The following WDR70 variants were observed in gnomAD, a reference collection of about 807,000 sequenced individuals.
The protein encoded by WDR70 is WD repeat-containing protein 70.
A neutral mutation model predicts 88.6 loss-of-function variants in WDR70; 53 were observed. The observed-to-expected ratio is 0.60, with a 90% confidence interval of 0.48 to 0.75. The LOEUF (loss-of-function observed/expected upper bound fraction) is 0.75. WDR70 is among the 30% of genes least tolerant of loss of function. The pLI, the probability that WDR70 is intolerant of heterozygous loss-of-function variation, is 0.00. For missense variants in WDR70, 610 were observed against 823.2 expected, an observed-to-expected ratio of 0.74 and a Z score of 3.17; for synonymous variants, 280 against 270.0, an observed-to-expected ratio of 1.04 and a Z score of -0.36.
intron 9 of WDR70, among the ~76,000 whole-genome samples, chr5:37,528,363 G>A (rs1741367867): frequency 6.6e-6 from 1 of 152,102 alleles, no homozygotes; most frequent in Non-Finnish European, 1.5e-5. Flanking sequence ...ATTATTGTCA[G>A]CAAACTATCA....
At chr5:37,747,532 A>G (rs1748668410) in intron 17 of WDR70, among the ~76,000 whole-genome samples, 1 of 152,234 alleles carries the variant, frequency 6.6e-6, no homozygotes, top group African/African-American at 2.4e-5. Flanking sequence ...TGACAAACCC[A>G]CAGCCAATAT....
intron 10 of WDR70, among the ~76,000 whole-genome samples, chr5:37,623,339 G>A (rs1357225468): frequency 1.3e-5 from 2 of 151,912 alleles, no homozygotes; most frequent in African/African-American, 4.8e-5. Flanking sequence ...CTAAATATTG[G>A]TGATTGCAGT....
chr5:37,475,436 C>T (rs548976486), intron 7 of WDR70, among the ~76,000 whole-genome samples: 1 of 151,864 alleles, frequency 6.6e-6, no homozygotes, highest in Non-Finnish European at 1.5e-5. Context: ...CGGGGTTTCT[C>T]CATGTTGGTC....
chr5:37,391,026 A>G (rs73068469), intron 3 of WDR70, among the ~76,000 whole-genome samples: 3,870 of 152,248 alleles, frequency 0.025, 154 homozygotes, highest in African/African-American at 0.088. Flanking sequence ...AAGAAGTGCT[A>G]AATTTATGTT....
chr5:37,726,827 C>G (rs1182359223), intron 16 of WDR70, 56 bp from the exon 17 acceptor site: 17 of 1,522,166 alleles, frequency 1.1e-5, no homozygotes, highest in Non-Finnish European at 1.1e-5. Context: ...ACAGATATAC[C>G]TATGTATCCT....
chr5:37,698,050 A>G (rs1010843454), intron 11 of WDR70: 4 of 262,564 alleles, frequency 1.5e-5, no homozygotes, highest in African/African-American at 4.4e-5. Context: ...TGCCTTGGGA[A>G]GTTTATAGAT....
intron 10 of WDR70, among the ~76,000 whole-genome samples, chr5:37,608,781 A>T (rs1323386799): frequency 6.6e-6 from 1 of 151,050 alleles, no homozygotes; most frequent in Non-Finnish European, 1.5e-5. Flanking sequence ...CTGGTCTTGA[A>T]CTCCTGGACT....
chr5:37,673,583 A>C (rs868432808), intron 10 of WDR70, among the ~76,000 whole-genome samples: 4,735 of 75,884 alleles, frequency 0.062, 2 homozygotes, highest in Middle Eastern at 0.11. Context: ...GACTTTTCTT[A>C]CCCCCCCCCC....
intron 13 of WDR70, among the ~76,000 whole-genome samples, chr5:37,713,460 C>T (rs1418544086): frequency 1.3e-5 from 2 of 152,126 alleles, no homozygotes; most frequent in African/African-American, 2.4e-5. Context: ...CCCTTCTCTA[C>T]ACAAAAGTTT....
At chr5:37,513,829 G>T (rs765615944) in intron 8 of WDR70, among the ~76,000 whole-genome samples, 3 of 152,042 alleles carry the variant, frequency 2.0e-5, no homozygotes, top group Non-Finnish European at 4.4e-5. Context: ...GTAAGGGTGG[G>T]TCTGCCTTTC....
intron 13 of WDR70, among the ~76,000 whole-genome samples, chr5:37,714,539 C>T (rs544144926): frequency 1.7e-4 from 24 of 141,862 alleles, no homozygotes; most frequent in Non-Finnish European, 3.3e-4. Flanking sequence ...CCCAGTGCCC[C>T]AGGCTCCTCT....
chr5:37,460,614 A>C (rs4490613), intron 7 of WDR70, among the ~76,000 whole-genome samples: 3 of 48,604 alleles, frequency 6.2e-5, no homozygotes, highest in African/African-American at 1.4e-4. Flanking sequence ...TGGGTGCAGC[A>C]CACCAGCATG....
At chr5:37,695,344 G>C (rs1746950478) in intron 10 of WDR70, among the ~76,000 whole-genome samples, 1 of 152,124 alleles carries the variant, frequency 6.6e-6, no homozygotes. Context: ...TGAGATTTGG[G>C]TGGGGACACA....
chr5:37,426,795 CTT>C (rs3038670), intron 5 of WDR70, among the ~76,000 whole-genome samples: 144 of 144,068 alleles, frequency 1.0e-3, no homozygotes, highest in Admixed American at 1.2e-3. Context: ...AATCTAGGTT[CTT>C]TTTTTTTTTT....
intron 6 of WDR70, among the ~76,000 whole-genome samples, chr5:37,442,908 G>A (rs1317402589): frequency 6.6e-6 from 1 of 152,122 alleles, no homozygotes; most frequent in South Asian, 2.1e-4. Context: ...GTAATTATTT[G>A]TAAGATTTTT....
intron 17 of WDR70, among the ~76,000 whole-genome samples, chr5:37,740,394 A>G (rs1042701311): frequency 6.6e-6 from 1 of 152,236 alleles, no homozygotes; most frequent in Non-Finnish European, 1.5e-5. Flanking sequence ...GTTTAAAGCT[A>G]TGATTCTCTC....
chr5:37,603,701 T>A (rs1475342475), intron 9 of WDR70, among the ~76,000 whole-genome samples: 1 of 152,228 alleles, frequency 6.6e-6, no homozygotes, highest in Non-Finnish European at 1.5e-5. Flanking sequence ...GAGGTTGAAT[T>A]TATATCTGCC....
chr5:37,432,287 A>C (rs1750330022), intron 5 of WDR70, among the ~76,000 whole-genome samples: 1 of 152,130 alleles, frequency 6.6e-6, no homozygotes, highest in African/African-American at 2.4e-5. Context: ...TGTGCTTTTA[A>C]TTTGCATTTC....
intron 4 of WDR70, 57 bp downstream of exon 4, chr5:37,392,177 GTTTT>G (rs11335326): frequency 9.2e-6 from 12 of 1,310,688 alleles, no homozygotes; most frequent in African/African-American, 1.6e-5. Flanking sequence ...TGTTTATAGA[GTTTT>G]TTTTTTTTTT....
Sources: gnomAD v4.1 joint callset for allele counts (sites outside exome capture counted in the v4.1 genomes callset) on GRCh38, gnomAD v4.1.1 for gene constraint, MANE v1.5 for transcripts, NCBI Gene and HGNC (gene_info 2026-07-23, HGNC 2026-07-21) for gene names.